The following RNF213 variants were observed in gnomAD, a reference collection of about 807,000 sequenced individuals.
The protein encoded by RNF213 is ring finger protein 213, also known as E3 ubiquitin-protein ligase RNF213.
Under a neutral mutation model 514.4 loss-of-function variants are expected in RNF213, and 341 were observed. The ratio of observed to expected loss-of-function variants is 0.66; its 90% CI spans 0.61 to 0.73. The LOEUF is 0.73. Among genes scored for constraint, RNF213 ranks in the 30% least tolerant of loss-of-function variants. RNF213 has a pLI of 0.00. For synonymous variants in RNF213, 2,655 were observed against 2,658.2 expected (o/e 1.00, Z 0.04); for missense variants, 5,767 against 6,615.6 (o/e 0.87, Z 4.45).
chr17:80,267,292 T>G (rs1433670073), intron 2 of RNF213, among the ~76,000 whole-genome samples: 1 of 150,418 alleles, frequency 6.6e-6, no homozygotes, highest in Admixed American at 6.6e-5. Context: ...AATACAAAAA[T>G]TAGCTAGGCA....
rs1436029426 is a variant in RNF213, at chr17:80,397,805, T to G, written c.*4307T>G. Reference sequence around the variant, plus strand: ...CATTTCTTGGTTCCCTGACCAGGAATCTAGGTGATTAATGGATGGTTGAGG... The same window carrying G: ...CATTTCTTGGTTCCCTGACCAGGAAGCTAGGTGATTAATGGATGGTTGAGG... On this transcript the variant is annotated 3_prime_UTR_variant, in exon 68 of 68. Coordinates refer to ENST00000582970, the MANE Select transcript of RNF213 (RefSeq NM_001256071.3). The G allele has an allele frequency of 6.7e-6, 1 of 150,340 alleles. No homozygotes were observed. Among genetic ancestry groups the G allele is most frequent in the Admixed American group, 6.7e-5 (1 of 14,964 alleles). The allele number at this position is 150,340 out of a possible 1,614,324, so 9.3% of individuals were successfully genotyped here.
At position 80,383,675 on chromosome 17, in the gene RNF213, A is replaced by G. The variant is rs767083151; in HGVS notation, c.14071-2A>G. On this transcript the variant is annotated splice_acceptor_variant, in intron 58 of 67. Transcript: ENST00000582970. LOFTEE classifies it high-confidence loss of function. ...ATTTTTTTTTTCATTTTCTCCATCC[A>G]GCATCTAGATAAAACCCTTCCCACC... The G allele has an allele frequency of 6.2e-7, 1 of 1,613,822 alleles. No homozygotes were observed. The highest frequency in any genetic ancestry group is 1.1e-5 in the South Asian group (1 of 91,062).
intron 11 of RNF213, among the ~76,000 whole-genome samples, chr17:80,304,609 C>T (rs889251116): frequency 6.6e-6 from 1 of 152,166 alleles, no homozygotes; most frequent in Admixed American, 6.5e-5. Flanking sequence ...CACTGCACTC[C>T]AGCCAAGGCA....
chr17:80,375,978 G>A (rs767888229), intron 51 of RNF213, 108 bp downstream of exon 51: 3 of 904,466 alleles, frequency 3.3e-6, no homozygotes, highest in Admixed American at 3.9e-5. Flanking sequence ...TTTTTATCTA[G>A]GATAGAGGTT....
In RNF213 at chr17:80,372,649, G is replaced by A. The variant is rs141681070; in HGVS notation, c.12666G>A (p.Ser4222=). The part of the protein sequence containing the change: ...SRGREPANEA[S]VEYLQEVARI... Reference sequence around the variant, plus strand: ...GCCGAGAGCCTGCCAACGAGGCCTCGGTTGAATACCTGCAAGAGGTGGCCC... The same window carrying A: ...GCCGAGAGCCTGCCAACGAGGCCTCAGTTGAATACCTGCAAGAGGTGGCCC... Residue 4222 remains serine, a synonymous_variant, in exon 48 of 68, where the codon TCG becomes TCA. Transcript: ENST00000582970. The A allele has an allele frequency of 1.0e-4, 168 of 1,614,040 alleles. No individual in the cohort carries two copies. The African/African-American group carries it at 1.9e-3, about 18-fold the overall frequency.
chr17:80,313,024 CAG>C lies in RNF213; in HGVS notation c.2674_2675del (p.Asp892Ter), dbSNP rs1224492985. The C allele has an allele frequency of 1.9e-6, 3 of 1,613,792 alleles. No individual in the cohort carries two copies. The highest frequency in any genetic ancestry group is 2.5e-6 in the Non-Finnish European group (3 of 1,180,052). ...TGTGTGACAACAGGATTCTGCAGGA[CAG>C]AGAGATGAAACTGGAAATAATTCAG... The part of the protein sequence containing the change: ...RLLSLVDSAG[Q>X]RDETGNNSVQ... On this transcript the variant is annotated frameshift_variant, in exon 15 of 68. Transcript: ENST00000582970. LOFTEE classifies it high-confidence loss of function.
Position 80,369,593 on chromosome 17 carries a change from C to A in RNF213, c.12247C>A (p.Pro4083Thr), listed in dbSNP as rs368370792. 5 of 1,614,116 alleles carry A rather than the reference C, an allele frequency of 3.1e-6. No individual in the cohort carries two copies. The highest frequency in any genetic ancestry group is 4.2e-6 in the Non-Finnish European group (5 of 1,180,048). Residue 4083 changes from proline to threonine, a missense_variant, in exon 45 of 68, where the codon CCG becomes ACG. By Grantham distance (38) the Pro-to-Thr change is conservative (BLOSUM62 -1). This residue lies in a region of RNF213 where 93 missense variants were observed against 95.6 expected (regional missense o/e 0.97). Transcript: ENST00000582970. ...VSTICFKDNA[P>T]PEKEVIESLL... ...CACCATTTGCTTCAAGGACAACGCTCCGCCTGAGAAGGAAGTGATTGAGAG... is the reference window on the plus strand; with the variant it reads ...CACCATTTGCTTCAAGGACAACGCTACGCCTGAGAAGGAAGTGATTGAGAG...
Position 80,386,360 on chromosome 17 carries a change from G to A in RNF213, c.14650G>A (p.Val4884Ile), listed in dbSNP as rs146990608. 97 of 1,614,134 alleles carry A rather than the reference G, an allele frequency of 6.0e-5. No homozygotes were observed. Among genetic ancestry groups the A allele is most frequent in the East Asian group, 4.7e-4 (21 of 44,880 alleles). Reference protein sequence around the residue: ...RGLGLCATALVSYLIRLHNEI... With the variant: ...RGLGLCATALISYLIRLHNEI... Reference sequence around the variant, plus strand: ...CCTGGGCCTCTGTGCTACCGCTCTCGTCAGCTACTTGATTCGCCTACACAA... The same window carrying A: ...CCTGGGCCTCTGTGCTACCGCTCTCATCAGCTACTTGATTCGCCTACACAA... Residue 4884 changes from valine to isoleucine, a missense_variant, in exon 62 of 68, where the codon GTC becomes ATC. Physicochemically the swap from Val to Ile is conservative, Grantham distance 29. Around this residue, in one of 13 missense-constraint regions of RNF213, gnomAD observed 1,245 missense variants for 1,339.0 expected, o/e 0.93. Transcript: ENST00000582970.
At chr17:80,349,700 T>C (rs9899221) in intron 29 of RNF213, 70 bp from the exon 30 acceptor site, 51,652 of 1,544,118 alleles carry the variant, frequency 0.033, 2,270 homozygotes, top group African/African-American at 0.21. Flanking sequence ...AGGATCTGTC[T>C]AAACCTGGCA....
At position 80,294,823 on chromosome 17, in the gene RNF213, G is replaced by A; in HGVS notation, c.1575G>A (p.Gly525=). The change falls in exon 9 of 68, where the codon GGG becomes GGA. Residue 525 remains glycine (G), a synonymous_variant. Transcript: ENST00000582970. ...TDGPRKDLVK[G]KQIAAALMLD... is the part of the protein sequence containing the mutation. The stretch of plus-strand genomic sequence containing the variant: ...GGCCGAGGAAGGACCTGGTGAAGGG[G>A]AAGCAGATTGCCGCTGCGCTCATGC... The A allele has an allele frequency of 1.9e-6, 3 of 1,614,222 alleles. No individual in the cohort carries two copies. Among genetic ancestry groups the A allele is most frequent in the South Asian group, 2.2e-5 (2 of 91,086 alleles).
chr17:80,389,723 G>A (rs746522809), intron 65 of RNF213, 105 bp from the exon 66 acceptor site: 4 of 949,024 alleles, frequency 4.2e-6, no homozygotes, highest in African/African-American at 3.2e-5. Flanking sequence ...AGGGCAGAAC[G>A]AAGAGAAGAA....
Position 80,339,857 on chromosome 17 carries a change from C to T in RNF213, c.5490C>T (p.Pro1830=). Residue 1830 remains proline, a synonymous_variant, in exon 26 of 68, where the codon CCC becomes CCT. Coordinates refer to ENST00000582970, the MANE Select transcript of RNF213 (RefSeq NM_001256071.3). ...CGAGAGGTCTGCAGGTCGGCCAGCC[C>T]AACCTCGTCGTCTGTGGCCACTCCG... ...CLPRGLQVGQ[P]NLVVCGHSEV... is the part of the protein sequence containing the mutation. The T allele has an allele frequency of 6.5e-7, 1 of 1,536,698 alleles. No individual in the cohort carries two copies. The highest frequency in any genetic ancestry group is 2.4e-5 in the East Asian group (1 of 40,904).
At chr17:80,381,755 G>C (rs1191807439) in intron 57 of RNF213, 28 bp downstream of exon 57, 1 of 1,600,484 alleles carries the variant, frequency 6.2e-7, no homozygotes, top group African/African-American at 1.3e-5. Context: ...GGCTGGGCGG[G>C]GATCACACAG....
Position 80,309,434 on chromosome 17 carries a change from G to A in RNF213, c.2655+263G>A, listed in dbSNP as rs79916079. Among the ~76,000 whole-genome samples the A allele has an allele frequency of 3.9e-3, 592 of 152,272 alleles. 4 individuals carry two copies. The highest frequency in any genetic ancestry group is 0.014 in the African/African-American group (577 of 41,548). On this transcript the variant is annotated intron_variant, in intron 14 of 67. Coordinates refer to ENST00000582970, the MANE Select transcript of RNF213 (RefSeq NM_001256071.3). ...GGGAGTTAATGTGTGGCCATCAGCT[G>A]GTCATGGGGAAACCAGAGAGCTGGC...
rs936954487 is a variant in RNF213, at chr17:80,377,366, G to A, written c.13511-396G>A. ...GACTGACTCATATAACCCATGACATGTAAATTTTGCTGTTGCCTGAGTAAA... is the reference window on the plus strand; with the variant it reads ...GACTGACTCATATAACCCATGACATATAAATTTTGCTGTTGCCTGAGTAAA... On this transcript the variant is annotated intron_variant, in intron 53 of 67. Transcript: ENST00000582970. This position sits in a 1 kb window ranked among gnomAD's most constrained non-coding sequence, Gnocchi z 4.1. Among the ~76,000 whole-genome samples, 20 of 151,392 alleles carry A rather than the reference G, an allele frequency of 1.3e-4. No homozygotes were observed. The highest frequency in any genetic ancestry group is 4.9e-4 in the African/African-American group (20 of 41,140).
intron 2 of RNF213, among the ~76,000 whole-genome samples, chr17:80,268,075 C>T (rs2043668979): frequency 6.6e-6 from 1 of 152,078 alleles, no homozygotes. Flanking sequence ...CCTGCCTCTG[C>T]CTCCCAAAGT....
intron 65 of RNF213, 41 bp downstream of exon 65, chr17:80,389,408 C>T: frequency 1.3e-6 from 2 of 1,570,500 alleles, no homozygotes; most frequent in Non-Finnish European, 8.8e-7. Flanking sequence ...CAGCCCCTCA[C>T]CCTGGTCTCC....
rs776341737 is a variant in RNF213 at position 80,262,089 on chromosome 17, C to T, written c.-109+1187C>T. The stretch of plus-strand genomic sequence containing the variant: ...TGTAGCATTGGAGAAGGAAACACTT[C>T]GGGTGGAAAGAAAGAGGCCTGGGCG... On this transcript the variant is annotated intron_variant, in intron 1 of 67. Transcript: ENST00000582970. 4.7e-4 allele frequency among the ~76,000 whole-genome samples: 72 copies of T among 151,886 alleles called. 1 individual carries two copies. The highest frequency in any genetic ancestry group is 6.8e-4 in the Non-Finnish European group (46 of 67,964).
In RNF213 at chr17:80,280,240, C is replaced by A. The variant is rs181293013; in HGVS notation, c.261+6836C>A. On this transcript the variant is annotated intron_variant, in intron 3 of 67. Coordinates refer to ENST00000582970, the MANE Select transcript of RNF213 (RefSeq NM_001256071.3). ...ATAGCAACAAAAATGTGAGAAGGAA[C>A]TTGTAAAATAAAGGATGGATTCATA... Among the ~76,000 whole-genome samples, 5 of 152,274 alleles carry A rather than the reference C, an allele frequency of 3.3e-5. No individual in the cohort carries two copies. The East Asian group carries it at 5.8e-4, about 18-fold the overall frequency.
Sources: allele counts gnomAD v4.1 joint callset (sites outside exome capture counted in the v4.1 genomes callset), GRCh38; gene constraint gnomAD v4.1.1; regional missense constraint gnomAD v4.1.1; non-coding constraint Gnocchi (gnomAD v3.1); transcripts MANE v1.5; gene names NCBI Gene and HGNC (gene_info 2026-07-23, HGNC 2026-07-21).